Variants in NFILZ observed in about 807,000 individuals in gnomAD.
NFILZ encodes NFIL3 like protein.
At position 8,680,222 on chromosome 19, in the gene NFILZ, G is replaced by GA. The variant is rs1479249988; in HGVS notation, c.*2593dup. ...AAAAAAAAAAAAAAAAAAGGAAAAA[G>GA]AAAAAATCCTGTTTCCCTTTTTGCT... On this transcript the variant is annotated 3_prime_UTR_variant, in exon 6 of 6. Transcript: ENST00000691075. 7.1e-6 allele frequency among the ~76,000 whole-genome samples: 1 copy of GA among 140,080 alleles called. No homozygotes were observed. Among genetic ancestry groups the GA allele is most frequent in the Non-Finnish European group, 1.6e-5 (1 of 64,196 alleles). The allele number at this position is 140,080 out of a possible 152,430, so 91.9% of individuals were successfully genotyped here. A position where few individuals can be genotyped will look rare whatever the true frequency, so the allele number is the denominator to read the frequency against.
Position 8,656,441 on chromosome 19 carries a change from T to TCCCTGAAGCCCA in NFILZ, c.-163-18108_-163-18107insCTGAAGCCCACC, listed in dbSNP as rs1555748442. On this transcript the variant is annotated intron_variant, in intron 3 of 5. Transcript: ENST00000691075. ...CCACCTCTTTCCGCAGCCCACCTTC[T>TCCCTGAAGCCCA]CCTCGAAGCCCACCTTCTCTCTGAA... 1.2e-3 allele frequency among the ~76,000 whole-genome samples: 80 copies of TCCCTGAAGCCCA among 68,712 alleles called. 19 individuals are homozygous for TCCCTGAAGCCCA. The East Asian group carries it at 0.022, about 19-fold the overall frequency. The allele number at this position is 68,712 out of a possible 152,430, so 45.1% of individuals were successfully genotyped here.
intron 3 of NFILZ, among the ~76,000 whole-genome samples, chr19:8,642,035 T>A (rs2146140073): frequency 6.6e-6 from 1 of 152,192 alleles, no homozygotes; most frequent in Non-Finnish European, 1.5e-5. Flanking sequence ...AGAGACAGGG[T>A]CTTGCTATGT....
Position 8,656,447 on chromosome 19 carries a change from A to G in NFILZ, c.-163-18104A>G, listed in dbSNP as rs77930260. Among the ~76,000 whole-genome samples, 39 of 49,210 alleles carry G rather than the reference A, an allele frequency of 7.9e-4. 2 individuals are homozygous for G. Among genetic ancestry groups the G allele is most frequent in the Middle Eastern group, 6.4e-3 (1 of 156 alleles). 32.3% of individuals were successfully genotyped at this position (49,210 alleles called of 152,430 possible). A position where few individuals can be genotyped will look rare whatever the true frequency, so the allele number is the denominator to read the frequency against. On this transcript the variant is annotated intron_variant, in intron 3 of 5. Transcript: ENST00000691075. ...CTTTCCGCAGCCCACCTTCTCCTCG[A>G]AGCCCACCTTCTCTCTGAAGCCCAC...
chr19:8,668,298 TA>T (rs1167874463), intron 3 of NFILZ, among the ~76,000 whole-genome samples: 1 of 152,230 alleles, frequency 6.6e-6, no homozygotes, highest in African/African-American at 2.4e-5. Flanking sequence ...GTTGTCTTGT[TA>T]TTTTTTTCAA....
At chr19:8,659,121 C>T (rs1304899288) in intron 3 of NFILZ, among the ~76,000 whole-genome samples, 3 of 151,568 alleles carry the variant, frequency 2.0e-5, no homozygotes, top group African/African-American at 7.3e-5. Context: ...GTGGTGTGTG[C>T]CTGTGATCCC....
intron 1 of NFILZ, among the ~76,000 whole-genome samples, chr19:8,632,260 G>GTA (rs2042873778): frequency 6.6e-6 from 1 of 151,692 alleles, no homozygotes; most frequent in Non-Finnish European, 1.5e-5. Flanking sequence ...GTGTGTGTGT[G>GTA]TGTGTGTGTG....
chr19:8,666,792 G>C (rs2043063960), intron 3 of NFILZ, among the ~76,000 whole-genome samples: 1 of 152,024 alleles, frequency 6.6e-6, no homozygotes. Context: ...AGAGTGCAGT[G>C]GTGTGATCAC....
chr19:8,656,692 G>A (rs1047002879), intron 3 of NFILZ, among the ~76,000 whole-genome samples: 12 of 152,242 alleles, frequency 7.9e-5, no homozygotes, highest in Non-Finnish European at 1.6e-4. Context: ...TGTGCTAGGT[G>A]AATGGAAGAG....
chr19:8,642,430 A>T (rs1438151469), intron 3 of NFILZ, among the ~76,000 whole-genome samples: 1 of 152,154 alleles, frequency 6.6e-6, no homozygotes, highest in Non-Finnish European at 1.5e-5. Flanking sequence ...TACCCTATGG[A>T]TTGCAACCAT....
intron 3 of NFILZ, among the ~76,000 whole-genome samples, chr19:8,655,352 C>T (rs1230822462): frequency 3.3e-5 from 5 of 152,172 alleles, no homozygotes; most frequent in African/African-American, 9.7e-5. Flanking sequence ...TTACTGGGCT[C>T]CCAGGGGCTG....
intron 3 of NFILZ, among the ~76,000 whole-genome samples, chr19:8,648,712 C>T (rs372783744): frequency 7.2e-5 from 11 of 151,830 alleles, no homozygotes; most frequent in South Asian, 4.2e-4. Context: ...ACTAGCCAGG[C>T]GTGGTGGTGC....
intron 3 of NFILZ, among the ~76,000 whole-genome samples, chr19:8,665,176 C>T (rs1465584282): frequency 1.3e-5 from 2 of 152,164 alleles, no homozygotes; most frequent in Non-Finnish European, 2.9e-5. Flanking sequence ...CTAGAAGGCG[C>T]TTCTGGCCTA....
intron 3 of NFILZ, among the ~76,000 whole-genome samples, chr19:8,641,585 G>A (rs1277227779): frequency 6.6e-6 from 1 of 152,014 alleles, no homozygotes; most frequent in African/African-American, 2.4e-5. Context: ...TTTACACATG[G>A]GGAAACTGAG....
chr19:8,643,645 C>T (rs966226536), intron 3 of NFILZ, among the ~76,000 whole-genome samples: 1 of 152,142 alleles, frequency 6.6e-6, no homozygotes, highest in South Asian at 2.1e-4. Flanking sequence ...TGATCTTCTA[C>T]CCCTGGTGCT....
In NFILZ at chr19:8,680,905, A is replaced by G. The variant is rs573804900; in HGVS notation, c.*3270A>G. ...GGGATAGTGCCTAGTGTTTTGAGGA[A>G]GATTGAGGAGGCCCATGTGGCTGGA... On this transcript the variant is annotated 3_prime_UTR_variant, in exon 6 of 6. Coordinates refer to ENST00000691075, the MANE Select transcript of NFILZ (RefSeq NM_001378600.1). Among the ~76,000 whole-genome samples the G allele has an allele frequency of 6.6e-5, 10 of 152,116 alleles. No homozygotes were observed. The South Asian group carries it at 2.1e-3, about 32-fold the overall frequency.
At chr19:8,647,614 T>C (rs2042944801) in intron 3 of NFILZ, among the ~76,000 whole-genome samples, 1 of 147,240 alleles carries the variant, frequency 6.8e-6, no homozygotes, top group Non-Finnish European at 1.5e-5. Flanking sequence ...ATCATGTCCT[T>C]TGCAGGGATG....
intron 3 of NFILZ, among the ~76,000 whole-genome samples, chr19:8,656,786 A>G (rs999015955): frequency 2.6e-5 from 4 of 152,110 alleles, no homozygotes; most frequent in African/African-American, 9.7e-5. Context: ...CAGGGAACTG[A>G]AGGGGGGTCT....
chr19:8,644,261 C>A (rs1285902732), intron 3 of NFILZ, among the ~76,000 whole-genome samples: 1 of 151,364 alleles, frequency 6.6e-6, no homozygotes, highest in Non-Finnish European at 1.5e-5. Context: ...CTACCATGCC[C>A]AACTAATTTT....
intron 3 of NFILZ, among the ~76,000 whole-genome samples, chr19:8,636,325 G>A (rs1040413528): frequency 2.7e-5 from 4 of 150,930 alleles, no homozygotes; most frequent in Non-Finnish European, 5.9e-5. Context: ...GCACACGCCT[G>A]TAGTCCCAGC....
Sources: allele counts gnomAD v4.1 joint callset (sites outside exome capture counted in the v4.1 genomes callset), GRCh38; gene constraint gnomAD v4.1.1; transcripts MANE v1.5; gene names NCBI Gene and HGNC (gene_info 2026-07-23, HGNC 2026-07-21).